The following PTPRD variants were observed in gnomAD, a reference collection of about 807,000 sequenced individuals.
The protein encoded by PTPRD is protein tyrosine phosphatase receptor type D, also known as receptor-type tyrosine-protein phosphatase delta.
In PTPRD, 34 loss-of-function variants were observed where a neutral mutation model predicts 214.5. The ratio of observed to expected loss-of-function variants is 0.16; its 90% CI spans 0.12 to 0.21. The LOEUF (loss-of-function observed/expected upper bound fraction) is 0.21. PTPRD is among the 10% of genes least tolerant of loss of function. The pLI is 1.00. For missense variants in PTPRD, 2,545 were observed against 2,398.7 expected (o/e 1.06, Z -1.27); for synonymous variants, 1,128 against 845.7 (o/e 1.33, Z -5.79).
At chr9:10,341,973 T>C (rs948729201) in intron 2 of PTPRD, among the ~76,000 whole-genome samples, 1 of 152,042 alleles carries the variant, frequency 6.6e-6, no homozygotes, top group Non-Finnish European at 1.5e-5. Context: ...TTTGAAGCTG[T>C]TAAAATAAAG....
At chr9:9,828,057 G>A (rs1387464763) in intron 5 of PTPRD, among the ~76,000 whole-genome samples, 2 of 152,174 alleles carry the variant, frequency 1.3e-5, no homozygotes, top group Non-Finnish European at 2.9e-5. Context: ...CTGTTGGTGG[G>A]ACTGTAAACT....
At chr9:10,329,288 A>C (rs2096705888) in intron 3 of PTPRD, among the ~76,000 whole-genome samples, 2 of 151,626 alleles carry the variant, frequency 1.3e-5, no homozygotes, top group South Asian at 2.1e-4. Flanking sequence ...TTTATTTGTC[A>C]TTGCCCTCTT....
At chr9:9,710,155 T>C (rs1037187107) in intron 7 of PTPRD, among the ~76,000 whole-genome samples, 1 of 152,144 alleles carries the variant, frequency 6.6e-6, no homozygotes, top group Admixed American at 6.5e-5. Context: ...AAATACATTT[T>C]AGTACTTAGT....
rs528968000 is a variant in PTPRD at position 8,996,365 on chromosome 9, C to T, written c.-104+22332G>A. 2.8e-4 allele frequency among the ~76,000 whole-genome samples: 43 copies of T among 152,052 alleles called. No individual in the cohort carries two copies. The South Asian group carries it at 8.3e-3, about 29-fold the overall frequency. ...ATGCAATACACTAAATGAAAGCAGC[C>T]AGAGTCAAGGGTTACGTAATGGATG... On this transcript the variant is annotated intron_variant, in intron 11 of 45. Transcript: ENST00000381196.
chr9:10,122,475 T>A (rs535014533), intron 3 of PTPRD, among the ~76,000 whole-genome samples: 1 of 152,004 alleles, frequency 6.6e-6, no homozygotes, highest in Non-Finnish European at 1.5e-5. Flanking sequence ...AGATGTTTAA[T>A]TAAGGACAAT....
chr9:8,796,136 T>C (rs982422205), intron 11 of PTPRD, among the ~76,000 whole-genome samples: 3 of 152,154 alleles, frequency 2.0e-5, no homozygotes, highest in African/African-American at 7.2e-5. Flanking sequence ...TATAGGCCAA[T>C]AGATGTTTAG....
chr9:10,147,219 G>C (rs1400935814), intron 3 of PTPRD, among the ~76,000 whole-genome samples: 1 of 152,024 alleles, frequency 6.6e-6, no homozygotes, highest in Non-Finnish European at 1.5e-5. Context: ...GCACTTTAAA[G>C]AGGAACACTG....
chr9:8,371,689 T>C (rs960332392), intron 39 of PTPRD, among the ~76,000 whole-genome samples: 1 of 152,024 alleles, frequency 6.6e-6, no homozygotes, highest in East Asian at 1.9e-4. Flanking sequence ...TTAAAAAAAT[T>C]ATCGTGTATA....
chr9:9,836,939 G>A (rs1419144017), intron 5 of PTPRD, among the ~76,000 whole-genome samples: 4 of 152,298 alleles, frequency 2.6e-5, no homozygotes, highest in South Asian at 2.1e-4. Context: ...AAGATTGAAT[G>A]TGTGGGGCAC....
intron 8 of PTPRD, among the ~76,000 whole-genome samples, chr9:9,452,500 A>G (rs2092382231): frequency 6.6e-6 from 1 of 151,338 alleles, no homozygotes; most frequent in Non-Finnish European, 1.5e-5. Flanking sequence ...AAAAATGAAT[A>G]TGATAAGATT....
chr9:10,393,303 G>T (rs1175731056), intron 2 of PTPRD, among the ~76,000 whole-genome samples: 2 of 151,230 alleles, frequency 1.3e-5, no homozygotes, highest in Non-Finnish European at 3.0e-5. Flanking sequence ...GTGTGTGTGT[G>T]TTTGTGTGTG....
At chr9:10,419,396 C>A (rs1218261261) in intron 2 of PTPRD, among the ~76,000 whole-genome samples, 1 of 151,772 alleles carries the variant, frequency 6.6e-6, no homozygotes, top group South Asian at 2.1e-4. Context: ...AGGCATAGTT[C>A]CGTTCTTTTT....
At chr9:8,433,651 A>T (rs2095204179) in intron 35 of PTPRD, among the ~76,000 whole-genome samples, 2 of 152,144 alleles carry the variant, frequency 1.3e-5, no homozygotes, top group Admixed American at 1.3e-4. Flanking sequence ...AAATAGAAAA[A>T]CGCTTATAAA....
intron 11 of PTPRD, among the ~76,000 whole-genome samples, chr9:8,907,671 T>G (rs113184465): frequency 0.052 from 7,859 of 151,314 alleles, 631 homozygotes; most frequent in African/African-American, 0.17. Context: ...GATGAGAAAT[T>G]TACTACATGG....
chr9:8,916,724 C>G (rs1311496656), intron 11 of PTPRD, among the ~76,000 whole-genome samples: 1 of 152,116 alleles, frequency 6.6e-6, no homozygotes, highest in Non-Finnish European at 1.5e-5. Context: ...TGAATACTTC[C>G]TTGAATGCCT....
At chr9:8,547,556 T>C (rs543724817) in intron 14 of PTPRD, among the ~76,000 whole-genome samples, 1 of 150,400 alleles carries the variant, frequency 6.6e-6, no homozygotes, top group Non-Finnish European at 1.5e-5. Context: ...GGCAAGAAAA[T>C]TGCTTGGGCC....
chr9:10,350,903 C>T (rs1420762550), intron 2 of PTPRD, among the ~76,000 whole-genome samples: 3 of 151,900 alleles, frequency 2.0e-5, no homozygotes, highest in Non-Finnish European at 4.4e-5. Context: ...GGAAAGACAT[C>T]GTAATTCCTT....
At chr9:9,463,566 T>G (rs911596666) in intron 8 of PTPRD, among the ~76,000 whole-genome samples, 2 of 152,174 alleles carry the variant, frequency 1.3e-5, no homozygotes, top group African/African-American at 2.4e-5. Flanking sequence ...CCTACTTCCT[T>G]TAATTTCTAA....
At chr9:10,521,277 G>A (rs182380160) in intron 2 of PTPRD, among the ~76,000 whole-genome samples, 1 of 152,138 alleles carries the variant, frequency 6.6e-6, no homozygotes, top group African/African-American at 2.4e-5. Flanking sequence ...CAGAGGTGGT[G>A]GAAACAGCAA....
Sources: allele counts gnomAD v4.1 joint callset (sites outside exome capture counted in the v4.1 genomes callset), GRCh38; gene constraint gnomAD v4.1.1; transcripts MANE v1.5; gene names NCBI Gene and HGNC (gene_info 2026-07-23, HGNC 2026-07-21).